The following SCRIB variants were observed in gnomAD, a reference collection of about 807,000 sequenced individuals.
SCRIB encodes protein scribble homolog.
Under a neutral mutation model 170.0 loss-of-function variants are expected in SCRIB, and 72 were observed. That is an observed-to-expected ratio of 0.42 (90% confidence interval 0.35 to 0.52). SCRIB has a LOEUF of 0.52. Among genes scored for constraint, SCRIB ranks in the 20% least tolerant of loss-of-function variants. SCRIB has a pLI of 0.02. For missense variants in SCRIB, 2,475 were observed against 2,338.5 expected, an observed-to-expected ratio of 1.06 and a Z score of -1.20; for synonymous variants, 1,298 against 1,044.3, an observed-to-expected ratio of 1.24 and a Z score of -4.68.
Position 143,813,826 on chromosome 8 carries a change from G to T in SCRIB, c.348C>A (p.Pro116=). Residue 116 remains proline, a synonymous_variant, in exon 3 of 37, where the codon CCC becomes CCA. Coordinates refer to ENST00000356994, the MANE Select transcript of SCRIB (RefSeq NM_182706.5). ...ALEIADFSGN[P]LSRLPDGFTQ... is the part of the protein sequence containing the mutation. ...CACAGGCTGCCACCCACCTGGAGAG[G>T]GGGTTCCCGCTGAAGTCCGCGATCT... 2 of 1,609,388 alleles carry T rather than the reference G, an allele frequency of 1.2e-6. No individual in the cohort carries two copies. The highest frequency in any genetic ancestry group is 4.5e-5 in the East Asian group (2 of 44,770).
rs1554636170 is a variant in SCRIB at position 143,805,156 on chromosome 8, T to C, written c.2626A>G (p.Ile876Val). The change falls in exon 19 of 37, where the codon ATT becomes GTT. Residue 876 changes from isoleucine to valine, a missense_variant. Coordinates refer to ENST00000356994, the MANE Select transcript of SCRIB (RefSeq NM_182706.5). ...GGTGTGGAGCCTTTCCCACCAGCAA[T>C]GCTGAAGCCCAGCCCCCTCTCGCTG... The part of the protein sequence containing the change: ...ARSERGLGFS[I>V]AGGKGSTPYR... 9 of 1,577,666 alleles carry C rather than the reference T, an allele frequency of 5.7e-6. No individual in the cohort carries two copies. The highest frequency in any genetic ancestry group is 2.3e-5 in the South Asian group (2 of 85,884).
In SCRIB at chr8:143,805,333, C is replaced by T. The variant is rs1554636281; in HGVS notation, c.2449G>A (p.Val817Met). The T allele has an allele frequency of 6.5e-7, 1 of 1,542,850 alleles. No individual in the cohort carries two copies. The highest frequency in any genetic ancestry group is 1.9e-5 in the Admixed American group (1 of 52,472). ...ATGGTGACCGCGTTCTCAGGCTCCA[C>T]CATGCGCTCCCGCCACACTCGCATC... ...VQMRVWRERM[V>M]EPENAVTITP... The change falls in exon 19 of 37, where the codon GTG becomes ATG. Residue 817 changes from valine to methionine, a missense_variant. Transcript: ENST00000356994.
intron 14 of SCRIB, 73 bp from the exon 15 acceptor site, chr8:143,809,098 T>G: frequency 6.6e-7 from 1 of 1,519,352 alleles, no homozygotes; most frequent in Non-Finnish European, 8.8e-7. Flanking sequence ...TACTAAACAG[T>G]GTGGCCACAG....
At position 143,810,669 on chromosome 8, in the gene SCRIB, G is replaced by A. The variant is rs1815669908; in HGVS notation, c.1404+17C>T. ...GGGTCAGGCAGAGGTTCGCCCCCCA[G>A]ATCCTCACCCTCATACCCGCTTCTC... is the stretch of plus-strand genomic sequence containing the variant. On this transcript the variant is annotated intron_variant, in intron 12 of 36. Coordinates refer to ENST00000356994, the MANE Select transcript of SCRIB (RefSeq NM_182706.5). 6.2e-7 allele frequency: 1 copy of A among 1,602,836 alleles called. No individual in the cohort carries two copies. Among genetic ancestry groups the A allele is most frequent in the Admixed American group, 1.7e-5 (1 of 59,724 alleles).
At chr8:143,793,352 A>T in intron 28 of SCRIB, 70 of 256,966 alleles carry the variant, frequency 2.7e-4, no homozygotes, top group East Asian at 3.6e-4. Flanking sequence ...TAAAAAAGGC[A>T]GGTGGGGGCG....
rs782385752 is a variant in SCRIB at position 143,795,096 on chromosome 8, G to T, written c.3788C>A (p.Pro1263His). The change falls in exon 27 of 37, where the codon CCC (proline) becomes CAC (histidine). Residue 1263 changes from proline to histidine, a missense_variant. Pro to His is a moderately conservative substitution (Grantham distance 77). Coordinates refer to ENST00000356994, the MANE Select transcript of SCRIB (RefSeq NM_182706.5). The stretch of plus-strand genomic sequence containing the variant: ...CAGGGCGCGGTAGTCCAGCTTCAGG[G>T]GCTGCAGACCCCGACCCTGGGGGCA... ...ATEAAGRGLQ[P>H]LKLDYRALAA... The T allele has an allele frequency of 1.2e-6, 2 of 1,611,396 alleles. No homozygotes were observed. The highest frequency in any genetic ancestry group is 1.1e-5 in the South Asian group (1 of 90,972).
chr8:143,795,092 C>T lies in SCRIB; in HGVS notation c.3792G>A (p.Leu1264=). 1 of 1,611,426 alleles carries T rather than the reference C, an allele frequency of 6.2e-7. No homozygotes were observed. The highest frequency in any genetic ancestry group is 8.5e-7 in the Non-Finnish European group (1 of 1,179,284). Residue 1264 remains leucine, a synonymous_variant, in exon 27 of 37, where the codon CTG becomes CTA. Coordinates refer to ENST00000356994, the MANE Select transcript of SCRIB (RefSeq NM_182706.5). The part of the protein sequence containing the change: ...TEAAGRGLQP[L]KLDYRALAAV... Reference sequence around the variant, plus strand: ...CGGCCAGGGCGCGGTAGTCCAGCTTCAGGGGCTGCAGACCCCGACCCTGGG... The same window carrying T: ...CGGCCAGGGCGCGGTAGTCCAGCTTTAGGGGCTGCAGACCCCGACCCTGGG...
chr8:143,805,735 A>G (rs956034436), intron 18 of SCRIB, among the ~76,000 whole-genome samples: 2 of 152,062 alleles, frequency 1.3e-5, no homozygotes, highest in Admixed American at 1.3e-4. Flanking sequence ...GCTCCTGGAT[A>G]CCTCCGGCCC....
intron 28 of SCRIB, 131 bp from the exon 29 acceptor site, chr8:143,793,214 G>A: frequency 3.6e-6 from 2 of 549,606 alleles, no homozygotes; most frequent in Non-Finnish European, 6.1e-6. Context: ...TCCTGCTGGG[G>A]AAGGAGGCTC....
intron 24 of SCRIB, 129 bp from the exon 25 acceptor site, chr8:143,795,659 G>A (rs1351356570): frequency 2.5e-6 from 2 of 801,270 alleles, no homozygotes; most frequent in Non-Finnish European, 4.1e-6. Context: ...GGGCAGGGCT[G>A]ACCGCGTGGC....
At chr8:143,807,409 G>T in intron 16 of SCRIB, 143 bp downstream of exon 16, 1 of 777,972 alleles carries the variant, frequency 1.3e-6, no homozygotes, top group Non-Finnish European at 2.3e-6. Flanking sequence ...GAGGTGTCCT[G>T]ATCCTGGAGC....
At chr8:143,799,632 C>T (rs1285570054) in intron 24 of SCRIB, among the ~76,000 whole-genome samples, 1 of 152,026 alleles carries the variant, frequency 6.6e-6, no homozygotes, top group African/African-American at 2.4e-5. Context: ...TCCTCTCGAC[C>T]CCGAGAAGCA....
Position 143,809,489 on chromosome 8 carries a change from G to A in SCRIB, c.1698+62C>T, listed in dbSNP as rs563611204. The stretch of plus-strand genomic sequence containing the variant: ...CAAAACCGATCCCAGCTGAGGCCCC[G>A]CAGGGGAGGCAGCCCCCACCCAGCA... On this transcript the variant is annotated intron_variant, in intron 14 of 36. Coordinates refer to ENST00000356994, the MANE Select transcript of SCRIB (RefSeq NM_182706.5). 8 of 1,547,724 alleles carry A rather than the reference G, an allele frequency of 5.2e-6. No homozygotes were observed. In the East Asian group the frequency reaches 9.0e-5, roughly 17 times the overall value.
In SCRIB at chr8:143,795,413, C is replaced by T. The variant is rs781838984; in HGVS notation, c.3714+7G>A. On this transcript the variant is annotated splice_region_variant and intron_variant, in intron 25 of 36. Transcript: ENST00000356994. ...CCCTGGGGCTGCCGGCTGCAGGCAC[C>T]TCTGACCTTGCCTGGGCCCTCAGGG... The T allele has an allele frequency of 7.4e-6, 12 of 1,612,682 alleles. No individual in the cohort carries two copies. The highest frequency in any genetic ancestry group is 1.3e-5 in the African/African-American group (1 of 74,888).
chr8:143,809,669 G>C lies in SCRIB; in HGVS notation c.1580C>G (p.Ser527Cys), dbSNP rs943069059. 1.2e-6 allele frequency: 2 copies of C among 1,610,998 alleles called. No homozygotes were observed. The highest frequency in any genetic ancestry group is 3.3e-5 in the Admixed American group (2 of 59,972). The stretch of plus-strand genomic sequence containing the variant: ...CTCAGCCTCAGAGACTGTGCTGGCA[G>C]ATGGGCGAGAGTCTTCACTCAGGCC... ...ESGLSEDSRP[S>C]ASTVSEAEPE... Residue 527 changes from serine (S) to cysteine (C), a missense_variant, in exon 14 of 37, where the codon TCT becomes TGT. Ser to Cys is a moderately radical substitution (Grantham distance 112). Transcript: ENST00000356994.
Position 143,792,581 on chromosome 8 carries a change from C to T in SCRIB, c.4232G>A (p.Gly1411Glu), listed in dbSNP as rs782543043. ...GTCCAGGGCGAGCCTCGCTTCGGCC[C>T]CAGCCTCTGCCGCCTCCCGCAGCAT... ...AQMLREAAEA[G>E]AEARLALDGE... is the part of the protein sequence containing the mutation. Residue 1411 changes from glycine to glutamate, a missense_variant, in exon 31 of 37, where the codon GGG becomes GAG. Around this residue, in one of 3 missense-constraint regions of SCRIB, gnomAD observed 1,966 missense variants for 1,742.9 expected, o/e 1.13. Coordinates refer to ENST00000356994, the MANE Select transcript of SCRIB (RefSeq NM_182706.5). 4 of 1,583,762 alleles carry T rather than the reference C, an allele frequency of 2.5e-6. No homozygotes were observed. In the African/African-American group the frequency reaches 5.4e-5, roughly 21 times the overall value.
intron 18 of SCRIB, among the ~76,000 whole-genome samples, chr8:143,805,988 C>G (rs992422368): frequency 1.3e-5 from 2 of 152,168 alleles, no homozygotes; most frequent in African/African-American, 4.8e-5. Flanking sequence ...GGCTGAACAG[C>G]TAGGTGTCCA....
At chr8:143,811,451 AG>A (rs1255387947) in intron 9 of SCRIB, 106 bp from the exon 10 acceptor site, 10 of 1,006,298 alleles carry the variant, frequency 9.9e-6, no homozygotes, top group Non-Finnish European at 1.5e-5. Context: ...AGCTCCAGCC[AG>A]GGTCCCTCAC....
intron 26 of SCRIB, 71 bp downstream of exon 26, chr8:143,795,206 C>G: frequency 6.2e-7 from 1 of 1,602,698 alleles, no homozygotes; most frequent in Non-Finnish European, 8.5e-7. Flanking sequence ...GGGTTACTAC[C>G]CAGCACCCCA....
Sources: gnomAD v4.1 joint callset for allele counts (sites outside exome capture counted in the v4.1 genomes callset) on GRCh38, gnomAD v4.1.1 for gene constraint, gnomAD v4.1.1 regional missense constraint, MANE v1.5 for transcripts, NCBI Gene and HGNC (gene_info 2026-07-23, HGNC 2026-07-21) for gene names.